Variants in GPC5 observed in about 807,000 individuals in gnomAD.
GPC5 encodes glypican-5.
A neutral mutation model predicts 53.9 loss-of-function variants in GPC5; 47 were observed. The observed-to-expected ratio is 0.87, with a 90% confidence interval of 0.69 to 1.11. The LOEUF (loss-of-function observed/expected upper bound fraction) is 1.11. Ranked by LOEUF, GPC5 falls within the 50% of genes most tolerant of loss-of-function variation. The pLI is 0.00. For synonymous variants in GPC5, 286 were observed against 263.3 expected, an observed-to-expected ratio of 1.09 and a Z score of -0.84; for missense variants, 748 against 713.1, an observed-to-expected ratio of 1.05 and a Z score of -0.56.
At chr13:91,920,435 T>C (rs1264327422) in intron 6 of GPC5, among the ~76,000 whole-genome samples, 2 of 152,168 alleles carry the variant, frequency 1.3e-5, no homozygotes, top group Non-Finnish European at 2.9e-5. Flanking sequence ...ATAATAAGAA[T>C]GTTGGAGAAC....
At chr13:92,010,206 G>T (rs75245420) in intron 6 of GPC5, among the ~76,000 whole-genome samples, 5,850 of 151,936 alleles carry the variant, frequency 0.039, 361 homozygotes, top group African/African-American at 0.13. Flanking sequence ...GCTTCAATAC[G>T]TTTATCAGCA....
chr13:92,211,510 G>A (rs767938988), intron 7 of GPC5, among the ~76,000 whole-genome samples: 6 of 152,238 alleles, frequency 3.9e-5, no homozygotes, highest in Non-Finnish European at 8.8e-5. Context: ...TCAAGAACCT[G>A]GCCTTAGCCA....
In GPC5 at chr13:92,049,831, G is replaced by A. The variant is rs561917587; in HGVS notation, c.1402-94999G>A. Among the ~76,000 whole-genome samples, 3 of 152,138 alleles carry A rather than the reference G, an allele frequency of 2.0e-5. No individual in the cohort carries two copies. In the South Asian group the frequency reaches 6.2e-4, roughly 32 times the overall value. ...CTCTATTTTTTATGATGAAAGCGAA[G>A]AGGAAATGAAGAAATCTAAAAATGA... On this transcript the variant is annotated intron_variant, in intron 6 of 7. Coordinates refer to ENST00000377067, the MANE Select transcript of GPC5 (RefSeq NM_004466.6).
At chr13:91,979,929 A>G (rs1315392649) in intron 6 of GPC5, among the ~76,000 whole-genome samples, 3 of 152,210 alleles carry the variant, frequency 2.0e-5, no homozygotes, top group African/African-American at 7.2e-5. Flanking sequence ...GTCACTTAAC[A>G]CAACACTTTG....
chr13:92,778,992 T>C (rs867636212), intron 7 of GPC5, among the ~76,000 whole-genome samples: 1,756 of 138,526 alleles, frequency 0.013, 14 homozygotes, highest in South Asian at 0.018. Context: ...CACACACATA[T>C]ATATATATAT....
chr13:92,832,501 G>A (rs1429000165), intron 7 of GPC5, among the ~76,000 whole-genome samples: 1 of 151,942 alleles, frequency 6.6e-6, no homozygotes, highest in Admixed American at 6.6e-5. Context: ...TTTTAAAATA[G>A]ACTACTGCTA....
chr13:92,374,876 A>G (rs1217413652), intron 7 of GPC5, among the ~76,000 whole-genome samples: 1 of 151,828 alleles, frequency 6.6e-6, no homozygotes, highest in African/African-American at 2.4e-5. Flanking sequence ...ATAGAAAAAA[A>G]AAATAAAAAA....
chr13:92,310,284 A>T (rs561910195), intron 7 of GPC5, among the ~76,000 whole-genome samples: 2 of 152,030 alleles, frequency 1.3e-5, no homozygotes, highest in South Asian at 4.1e-4. Context: ...TGTATTTTTA[A>T]TTTTCACACA....
chr13:92,141,265 A>C (rs1474918661), intron 6 of GPC5, among the ~76,000 whole-genome samples: 2 of 152,160 alleles, frequency 1.3e-5, no homozygotes, highest in African/African-American at 2.4e-5. Flanking sequence ...CAGAGCCTCC[A>C]TGCAAAGGAA....
chr13:92,778,604 A>C (rs1875906218), intron 7 of GPC5, among the ~76,000 whole-genome samples: 1 of 152,226 alleles, frequency 6.6e-6, no homozygotes, highest in Non-Finnish European at 1.5e-5. Flanking sequence ...TCACTAAGGA[A>C]TGGTGAAATA....
At chr13:91,798,130 A>C (rs910862501) in intron 5 of GPC5, among the ~76,000 whole-genome samples, 1 of 152,216 alleles carries the variant, frequency 6.6e-6, no homozygotes. Flanking sequence ...TTATCATCTT[A>C]ACATTTTACT....
chr13:92,075,114 C>T (rs1171860588), intron 6 of GPC5, among the ~76,000 whole-genome samples: 2 of 152,084 alleles, frequency 1.3e-5, no homozygotes, highest in Non-Finnish European at 2.9e-5. Context: ...GATTCCTTTA[C>T]CCAATGCCAA....
At chr13:92,365,970 C>T (rs2139287818) in intron 7 of GPC5, among the ~76,000 whole-genome samples, 1 of 151,726 alleles carries the variant, frequency 6.6e-6, no homozygotes, top group Middle Eastern at 3.4e-3. Flanking sequence ...AAGCCAGTAA[C>T]ATAGTCACTT....
intron 2 of GPC5, among the ~76,000 whole-genome samples, chr13:91,540,413 A>C (rs1175435750): frequency 6.6e-6 from 1 of 152,154 alleles, no homozygotes; most frequent in Admixed American, 6.6e-5. Flanking sequence ...TACAAGAGGC[A>C]CATTTTTAGT....
At chr13:92,619,735 G>T (rs1246820943) in intron 7 of GPC5, among the ~76,000 whole-genome samples, 1 of 151,988 alleles carries the variant, frequency 6.6e-6, no homozygotes, top group Non-Finnish European at 1.5e-5. Flanking sequence ...TATGACCAGG[G>T]TTGGTTGGTA....
At chr13:91,502,954 T>C (rs1467839733) in intron 2 of GPC5, among the ~76,000 whole-genome samples, 2 of 152,140 alleles carry the variant, frequency 1.3e-5, no homozygotes, top group Admixed American at 6.6e-5. Context: ...ATGGATATGG[T>C]CTTAAACACT....
At chr13:92,415,639 A>G (rs1013946704) in intron 7 of GPC5, among the ~76,000 whole-genome samples, 1 of 151,354 alleles carries the variant, frequency 6.6e-6, no homozygotes, top group African/African-American at 2.4e-5. Context: ...TCAATTAGAT[A>G]TGAGTCTGAT....
At chr13:92,643,769 C>T (rs1375966683) in intron 7 of GPC5, among the ~76,000 whole-genome samples, 1 of 149,646 alleles carries the variant, frequency 6.7e-6, no homozygotes, top group East Asian at 1.9e-4. Flanking sequence ...GGAGATATAC[C>T]TAATGCTAGA....
chr13:92,707,630 TA>T (rs925125375), intron 7 of GPC5, among the ~76,000 whole-genome samples: 60 of 146,898 alleles, frequency 4.1e-4, no homozygotes, highest in Middle Eastern at 7.1e-3. Context: ...AGCTCTTCTT[TA>T]AAAAAAAAAA....
Sources: allele counts gnomAD v4.1 joint callset (sites outside exome capture counted in the v4.1 genomes callset), GRCh38; gene constraint gnomAD v4.1.1; transcripts MANE v1.5; gene names NCBI Gene and HGNC (gene_info 2026-07-23, HGNC 2026-07-21).